RHPN2: variants seen among roughly 807,000 people sequenced by gnomAD.
The protein encoded by RHPN2 is rhophilin Rho GTPase binding protein 2, also known as rhophilin-2.
In RHPN2, 40 loss-of-function variants were observed where a neutral mutation model predicts 79.0. The observed-to-expected ratio is 0.51, with a 90% CI of 0.39 to 0.66. The LOEUF (loss-of-function observed/expected upper bound fraction) is 0.66, where lower values mean the gene tolerates loss of function less well. Ranked by LOEUF, RHPN2 falls within the 30% of genes least tolerant of loss-of-function variation. RHPN2 has a pLI of 0.00. For synonymous variants in RHPN2, 285 were observed against 363.5 expected (o/e 0.78, Z 2.46); for missense variants, 686 against 883.5 (o/e 0.78, Z 2.83).
intron 1 of RHPN2, 29 bp downstream of exon 1, chr19:33,064,755 T>TCG: frequency 1.1e-5 from 16 of 1,427,932 alleles, no homozygotes; most frequent in Non-Finnish European, 1.3e-5. Flanking sequence ...AGCCCGCAGG[T>TCG]CCCCGCCCGC....
At chr19:33,017,739 G>T (rs1236590317) in intron 4 of RHPN2, among the ~76,000 whole-genome samples, 1 of 145,102 alleles carries the variant, frequency 6.9e-6, no homozygotes, top group Non-Finnish European at 1.5e-5. Flanking sequence ...AGAGAGAGAT[G>T]ACTGGCCATG....
At chr19:33,051,273 C>T (rs1279805090) in intron 1 of RHPN2, among the ~76,000 whole-genome samples, 1 of 152,116 alleles carries the variant, frequency 6.6e-6, no homozygotes, top group African/African-American at 2.4e-5. Context: ...ACTACAGGTG[C>T]GAGCCACCGC....
intron 1 of RHPN2, among the ~76,000 whole-genome samples, chr19:33,045,050 CTTTTTTTTT>C (rs367927850): frequency 7.9e-6 from 1 of 127,306 alleles, no homozygotes; most frequent in African/African-American, 3.2e-5. Context: ...TGAGTATCTA[CTTTTTTTTT>C]TTTTTTTTTT....
At chr19:33,053,367 C>G (rs1182225724) in intron 1 of RHPN2, among the ~76,000 whole-genome samples, 3 of 151,694 alleles carry the variant, frequency 2.0e-5, no homozygotes, top group Non-Finnish European at 2.9e-5. Flanking sequence ...ATTTCCAGAC[C>G]AATGATCTGC....
chr19:32,981,068 G>A (rs1342098268), intron 14 of RHPN2, among the ~76,000 whole-genome samples: 10 of 151,942 alleles, frequency 6.6e-5, no homozygotes, highest in African/African-American at 1.9e-4. Flanking sequence ...CTCGTGATCC[G>A]CCCGTCTTGG....
intron 2 of RHPN2, among the ~76,000 whole-genome samples, chr19:33,035,521 T>G (rs1972049148): frequency 6.6e-6 from 1 of 152,226 alleles, no homozygotes; most frequent in Non-Finnish European, 1.5e-5. Context: ...GGTTGGTTTC[T>G]GTAATGCTGA....
intron 4 of RHPN2, among the ~76,000 whole-genome samples, chr19:33,016,110 C>T (rs1188124463): frequency 6.6e-6 from 1 of 151,852 alleles, no homozygotes; most frequent in Non-Finnish European, 1.5e-5. Context: ...ACAATAGCAA[C>T]AAAAGTACAT....
intron 4 of RHPN2, among the ~76,000 whole-genome samples, chr19:33,016,749 TC>T (rs559976873): frequency 1.0e-3 from 157 of 152,210 alleles, no homozygotes; most frequent in African/African-American, 3.7e-3. Flanking sequence ...TTATAAAACA[TC>T]ACACGGACAC....
At chr19:32,996,369 C>T (rs62127395) in intron 10 of RHPN2, 149 bp from the exon 11 acceptor site, 137,011 of 738,668 alleles carry the variant, frequency 0.19, 13,948 homozygotes, top group Non-Finnish European at 0.22. Flanking sequence ...TTGTTTTAAC[C>T]TGAGTGACTC....
At chr19:33,005,591 T>C (rs1199872665) in intron 7 of RHPN2, among the ~76,000 whole-genome samples, 1 of 130,542 alleles carries the variant, frequency 7.7e-6, no homozygotes, top group Non-Finnish European at 1.6e-5. Flanking sequence ...CTGGTTCCTC[T>C]GGTTTTGTTG....
chr19:33,010,722 T>A (rs8103608), intron 6 of RHPN2, among the ~76,000 whole-genome samples: 1 of 150,636 alleles, frequency 6.6e-6, no homozygotes, highest in African/African-American at 2.4e-5. Flanking sequence ...ACTCCTATCA[T>A]CCAGGCTGGA....
At chr19:32,996,264 A>G in intron 10 of RHPN2, 44 bp from the exon 11 acceptor site, 1 of 1,611,178 alleles carries the variant, frequency 6.2e-7, no homozygotes, top group South Asian at 1.1e-5. Flanking sequence ...AGATCCACCA[A>G]GCAGAGCATA....
At chr19:33,005,896 T>G (rs903061734) in intron 7 of RHPN2, among the ~76,000 whole-genome samples, 10 of 152,128 alleles carry the variant, frequency 6.6e-5, no homozygotes, top group African/African-American at 2.4e-4. Flanking sequence ...TTTTTTTAAT[T>G]AATTAATTAT....
intron 11 of RHPN2, among the ~76,000 whole-genome samples, chr19:32,995,489 C>A (rs10408112): frequency 0.18 from 26,918 of 151,988 alleles, 2,605 homozygotes; most frequent in Non-Finnish European, 0.21. Flanking sequence ...CTCGGACTAC[C>A]CTTAACATAA....
At chr19:33,033,650 C>T (rs1367827510) in intron 2 of RHPN2, among the ~76,000 whole-genome samples, 1 of 151,858 alleles carries the variant, frequency 6.6e-6, no homozygotes, top group Non-Finnish European at 1.5e-5. Context: ...GGGCAAATCA[C>T]CTGAGGTCAG....
intron 7 of RHPN2, among the ~76,000 whole-genome samples, chr19:33,003,734 A>G (rs1407041694): frequency 1.3e-5 from 2 of 152,234 alleles, no homozygotes; most frequent in Admixed American, 6.5e-5. Context: ...AAGGACCAAT[A>G]TTGTAGGATT....
chr19:33,046,383 A>T (rs10422705), intron 1 of RHPN2, among the ~76,000 whole-genome samples: 4 of 151,892 alleles, frequency 2.6e-5, no homozygotes, highest in Non-Finnish European at 5.9e-5. Context: ...CTCCTGCTTC[A>T]GCCTCCCGGG....
intron 1 of RHPN2, among the ~76,000 whole-genome samples, chr19:33,053,711 G>A (rs979407731): frequency 2.0e-5 from 3 of 151,936 alleles, no homozygotes; most frequent in Non-Finnish European, 4.4e-5. Context: ...GTGAGCCACT[G>A]TACCTGGACA....
At chr19:33,035,909 G>A (rs1462006536) in intron 2 of RHPN2, among the ~76,000 whole-genome samples, 1 of 152,116 alleles carries the variant, frequency 6.6e-6, no homozygotes, top group African/African-American at 2.4e-5. Flanking sequence ...CAGGTCAGGA[G>A]ATATAGACCA....
Sources: gnomAD v4.1 joint callset for allele counts (sites outside exome capture counted in the v4.1 genomes callset) on GRCh38, gnomAD v4.1.1 for gene constraint, MANE v1.5 for transcripts, NCBI Gene and HGNC (gene_info 2026-07-23, HGNC 2026-07-21) for gene names.